DPYS: variants seen among roughly 807,000 people sequenced by gnomAD.
DPYS encodes the protein dihydropyrimidine amidohydrolase.
DPYS carries 39 observed loss-of-function variants against 50.3 expected under a neutral mutation model. The ratio of observed to expected loss-of-function variants is 0.78; its 90% CI spans 0.60 to 1.01. DPYS has a LOEUF of 1.01. Among genes scored for constraint, DPYS ranks in the 50% least tolerant of loss-of-function variants. The pLI is 0.00. For missense variants in DPYS, 659 were observed against 680.9 expected (o/e 0.97, Z 0.36); for synonymous variants, 245 against 250.7 (o/e 0.98, Z 0.22).
At chr8:104,388,440 A>T (rs1223266223) in intron 8 of DPYS, among the ~76,000 whole-genome samples, 1 of 152,230 alleles carries the variant, frequency 6.6e-6, no homozygotes, top group African/African-American at 2.4e-5. Flanking sequence ...TGGAACTTAT[A>T]ACACTCTAAA....
intron 8 of DPYS, among the ~76,000 whole-genome samples, chr8:104,392,021 C>T (rs1258531936): frequency 6.6e-6 from 1 of 152,152 alleles, no homozygotes; most frequent in Non-Finnish European, 1.5e-5. Flanking sequence ...GATCGAGAAA[C>T]TTGCTCAAGG....
chr8:104,412,964 G>C, intron 7 of DPYS, among the ~76,000 whole-genome samples: 1 of 152,148 alleles, frequency 6.6e-6, no homozygotes, highest in East Asian at 1.9e-4. Flanking sequence ...AGAGAGAAAT[G>C]GGAATTTCTG....
At chr8:104,384,991 C>T (rs896033937) in intron 8 of DPYS, among the ~76,000 whole-genome samples, 3 of 152,176 alleles carry the variant, frequency 2.0e-5, no homozygotes, top group Non-Finnish European at 4.4e-5. Flanking sequence ...CTTAAGCCCC[C>T]TTTCTTCTCT....
At chr8:104,432,571 G>A (rs1812992527) in intron 4 of DPYS, among the ~76,000 whole-genome samples, 1 of 152,152 alleles carries the variant, frequency 6.6e-6, no homozygotes, top group Non-Finnish European at 1.5e-5. Flanking sequence ...AACTTTCCTG[G>A]ACTTTATTTT....
chr8:104,387,512 A>C (rs1446644901), intron 8 of DPYS, among the ~76,000 whole-genome samples: 4 of 152,022 alleles, frequency 2.6e-5, no homozygotes, highest in African/African-American at 9.7e-5. Flanking sequence ...ATGGGTGGCT[A>C]TTTGTTTGAG....
intron 7 of DPYS, among the ~76,000 whole-genome samples, chr8:104,401,720 TTCTG>T (rs1467507393): frequency 2.0e-5 from 3 of 152,196 alleles, no homozygotes; most frequent in South Asian, 2.1e-4. Flanking sequence ...TAAGTGTGTG[TTCTG>T]TCTATTTCAA....
At chr8:104,405,617 G>T (rs1270778942) in intron 7 of DPYS, among the ~76,000 whole-genome samples, 3 of 152,218 alleles carry the variant, frequency 2.0e-5, no homozygotes, top group African/African-American at 7.2e-5. Flanking sequence ...CAACTAAGTT[G>T]TATGGTTTGA....
intron 4 of DPYS, 28 bp downstream of exon 4, chr8:104,444,220 T>C (rs751281040): frequency 3.1e-6 from 5 of 1,613,232 alleles, no homozygotes; most frequent in Admixed American, 1.7e-5. Context: ...AACACTGAGT[T>C]CTAAGTGAGG....
chr8:104,408,871 TGG>T (rs1185591528), intron 7 of DPYS, among the ~76,000 whole-genome samples: 1 of 151,512 alleles, frequency 6.6e-6, no homozygotes, highest in Non-Finnish European at 1.5e-5. Flanking sequence ...TGGAATACAA[TGG>T]CATGATCTTG....
At chr8:104,417,447 G>A (rs1019544556) in intron 7 of DPYS, among the ~76,000 whole-genome samples, 19 of 152,054 alleles carry the variant, frequency 1.2e-4, no homozygotes, top group South Asian at 2.1e-4. Flanking sequence ...TCTCTGTCTT[G>A]ACCACATGAC....
At chr8:104,456,007 G>A (rs1240220575) in intron 1 of DPYS, among the ~76,000 whole-genome samples, 2 of 151,880 alleles carry the variant, frequency 1.3e-5, no homozygotes, top group East Asian at 3.9e-4. Flanking sequence ...CATGTATGAC[G>A]GTGGCCCCAT....
chr8:104,444,683 T>C (rs1813471455), intron 3 of DPYS, among the ~76,000 whole-genome samples: 1 of 152,184 alleles, frequency 6.6e-6, no homozygotes, highest in African/African-American at 2.4e-5. Flanking sequence ...ATTTTCCATA[T>C]GCATATTTTA....
chr8:104,399,866 C>CAAAAAAAAAAAAA (rs57562204), intron 7 of DPYS, among the ~76,000 whole-genome samples: 1 of 52,534 alleles, frequency 1.9e-5, no homozygotes, highest in Non-Finnish European at 3.1e-5. Context: ...GACTCCGTCT[C>CAAAAAAAAAAAAA]AAAAAAAAAA....
At chr8:104,414,878 A>T (rs952663939) in intron 7 of DPYS, among the ~76,000 whole-genome samples, 1 of 152,238 alleles carries the variant, frequency 6.6e-6, no homozygotes, top group African/African-American at 2.4e-5. Context: ...GACCTGGTGT[A>T]AACCACATTC....
chr8:104,383,464 T>G (rs1482169438), intron 8 of DPYS, among the ~76,000 whole-genome samples: 1 of 152,004 alleles, frequency 6.6e-6, no homozygotes, highest in East Asian at 1.9e-4. Context: ...GTAGAAGGGA[T>G]TTTTGGGGAG....
intron 4 of DPYS, among the ~76,000 whole-genome samples, chr8:104,430,731 A>C (rs1812925876): frequency 6.6e-6 from 1 of 152,248 alleles, no homozygotes; most frequent in South Asian, 2.1e-4. Flanking sequence ...TAGCTAGCTT[A>C]GGAATTTGAA....
chr8:104,429,423 T>C, intron 5 of DPYS, 122 bp downstream of exon 5: 5 of 1,358,056 alleles, frequency 3.7e-6, no homozygotes, highest in Non-Finnish European at 5.2e-6. Context: ...ACCCAGGACC[T>C]GACAGGTCAA....
At chr8:104,430,033 AT>A (rs1371773036) in intron 4 of DPYS, among the ~76,000 whole-genome samples, 1 of 152,220 alleles carries the variant, frequency 6.6e-6, no homozygotes, top group Non-Finnish European at 1.5e-5. Flanking sequence ...TGTTATCTCC[AT>A]AAAAAGATGA....
At chr8:104,457,251 C>T (rs938939100) in intron 1 of DPYS, among the ~76,000 whole-genome samples, 4 of 152,152 alleles carry the variant, frequency 2.6e-5, no homozygotes, top group African/African-American at 9.7e-5. Flanking sequence ...ATAACCGAGC[C>T]AACTACTAAG....
Sources: allele counts gnomAD v4.1 joint callset (sites outside exome capture counted in the v4.1 genomes callset), GRCh38; gene constraint gnomAD v4.1.1; transcripts MANE v1.5; gene names NCBI Gene and HGNC (gene_info 2026-07-23, HGNC 2026-07-21).